Variants in JAG2 observed in about 807,000 individuals in gnomAD.
JAG2 encodes protein jagged-2.
A neutral mutation model predicts 141.7 loss-of-function variants in JAG2; 46 were observed. The observed-to-expected ratio is 0.32, with a 90% CI of 0.26 to 0.42. The LOEUF (loss-of-function observed/expected upper bound fraction) is 0.42. Among genes scored for constraint, JAG2 ranks in the 10% least tolerant of loss-of-function variants. JAG2 has a pLI of 1.00. For missense variants in JAG2, 1,500 were observed against 1,817.5 expected (o/e 0.83, Z 3.18); for synonymous variants, 862 against 763.5 (o/e 1.13, Z -2.13).
At position 105,142,679 on chromosome 14, in the gene JAG2, C is replaced by T. The variant is rs1237196870; in HGVS notation, c.*16G>A. 1 of 1,580,786 alleles carries T rather than the reference C, an allele frequency of 6.3e-7. No homozygotes were observed. Among genetic ancestry groups the T allele is most frequent in the Non-Finnish European group, 8.6e-7 (1 of 1,162,862 alleles). ...CCACCGAGGGCCCTGGGTCCCGGCC[C>T]AGCTGGCAGCCGCCCCTACTCCTTG... On this transcript the variant is annotated 3_prime_UTR_variant, in exon 26 of 26. Transcript: ENST00000331782.
intron 24 of JAG2, 78 bp downstream of exon 24, chr14:105,144,852 C>T (rs888874593): frequency 7.1e-6 from 11 of 1,545,832 alleles, no homozygotes; most frequent in Admixed American, 1.8e-5. Flanking sequence ...TCGCCAGAGC[C>T]TCTGTCCAGC....
At position 105,154,339 on chromosome 14, in the gene JAG2, G is replaced by GTCT. The variant is rs1191241575; in HGVS notation, c.788+1220_788+1222dup. 6.6e-6 allele frequency among the ~76,000 whole-genome samples: 1 copy of GTCT among 152,168 alleles called. No homozygotes were observed. Among genetic ancestry groups the GTCT allele is most frequent in the African/African-American group, 2.4e-5 (1 of 41,438 alleles). On this transcript the variant is annotated intron_variant, in intron 5 of 25. Transcript: ENST00000331782. The surrounding 1 kb of genome is among the most constrained non-coding windows in gnomAD (Gnocchi z 4.4). ...AGGGCGGTGCTCACCTCCACCTGCTGTCTCTCCACCCGCTCGCGCCCCTCT... is the reference window on the plus strand; with the variant it reads ...AGGGCGGTGCTCACCTCCACCTGCTGTCTTCTCTCCACCCGCTCGCGCCCCTCT...
Position 105,143,043 on chromosome 14 carries a change from G to A in JAG2, c.3369C>T (p.Ser1123=), listed in dbSNP as rs138204105. The A allele has an allele frequency of 9.0e-5, 144 of 1,604,082 alleles. No homozygotes were observed. In the Admixed American group the frequency reaches 1.8e-3, roughly 20 times the overall value. Residue 1123 remains serine (S), a synonymous_variant, in exon 26 of 26, where the codon AGC becomes AGT. Coordinates refer to ENST00000331782, the MANE Select transcript of JAG2 (RefSeq NM_002226.5). The part of the protein sequence containing the change: ...RERSRLPREE[S]ANNQWAPLNP... ...TGAGCGGGGCCCACTGGTTGTTGGCGCTCTCCTCCCGCGGCAGCCGGCTCC... is the reference window on the plus strand; with the variant it reads ...TGAGCGGGGCCCACTGGTTGTTGGCACTCTCCTCCCGCGGCAGCCGGCTCC...
chr14:105,145,184 G>A, intron 23 of JAG2, 123 bp from the exon 24 acceptor site: 2 of 1,344,654 alleles, frequency 1.5e-6, no homozygotes, highest in Non-Finnish European at 2.1e-6. Context: ...AGCACAGCAA[G>A]GATGCCAAGG....
Position 105,168,084 on chromosome 14 carries a change from G to A in JAG2, c.90C>T (p.Phe30=), listed in dbSNP as rs1230616211. The part of the protein sequence containing the change: ...WVQAARPMGY[F]ELQLSALRNV... ...TCCGCAGCGCGCTCAGCTGCAGCTCGAAATAGCCCATGGGCCGCGCCGCCT... is the reference window on the plus strand; with the variant it reads ...TCCGCAGCGCGCTCAGCTGCAGCTCAAAATAGCCCATGGGCCGCGCCGCCT... Residue 30 remains phenylalanine (F), a synonymous_variant, in exon 2 of 26, where the codon TTC becomes TTT. Coordinates refer to ENST00000331782, the MANE Select transcript of JAG2 (RefSeq NM_002226.5). 1 of 1,583,738 alleles carries A rather than the reference G, an allele frequency of 6.3e-7. No individual in the cohort carries two copies. The highest frequency in any genetic ancestry group is 1.1e-5 in the South Asian group (1 of 89,552).
At chr14:105,163,490 G>A (rs1888818069) in intron 2 of JAG2, among the ~76,000 whole-genome samples, 1 of 152,206 alleles carries the variant, frequency 6.6e-6, no homozygotes, top group Non-Finnish European at 1.5e-5. Context: ...AAAGCCCAGG[G>A]TACAACTGAT....
chr14:105,146,124 C>A, intron 22 of JAG2, 151 bp from the exon 23 acceptor site: 7 of 1,293,222 alleles, frequency 5.4e-6, no homozygotes, highest in Non-Finnish European at 7.5e-6. Flanking sequence ...CCACCCCCTA[C>A]CCAGGGCTCC....
In JAG2 at chr14:105,152,068, G is replaced by A. The variant is rs747097241; in HGVS notation, c.920-11C>T. ...CACAGTAGTTCAGGTCTGGGGGCAGGGGTGGGATGCTCAGGGGAAAAGCCG... is the reference window on the plus strand; with the variant it reads ...CACAGTAGTTCAGGTCTGGGGGCAGAGGTGGGATGCTCAGGGGAAAAGCCG... On this transcript the variant is annotated splice_polypyrimidine_tract_variant and intron_variant, in intron 6 of 25. Transcript: ENST00000331782. 19 of 1,613,202 alleles carry A rather than the reference G, an allele frequency of 1.2e-5. No individual in the cohort carries two copies. The highest frequency in any genetic ancestry group is 1.6e-5 in the Non-Finnish European group (19 of 1,179,950).
rs887241936 is a variant in JAG2 at position 105,155,904 on chromosome 14, C to T, written c.561G>A (p.Val187=). The change falls in exon 4 of 26, where the codon GTG becomes GTA. Residue 187 remains valine, a synonymous_variant. Coordinates refer to ENST00000331782, the MANE Select transcript of JAG2 (RefSeq NM_002226.5). ...RWKSLHFSGH[V]AHLELQIRVR... ...CGCGGATCTGCAGCTCCAGGTGCGC[C>T]ACGTGGCCGCTGAAGTGCAGGCTCT... is the stretch of plus-strand genomic sequence containing the variant. 9 of 1,612,090 alleles carry T rather than the reference C, an allele frequency of 5.6e-6. No homozygotes were observed. The highest frequency in any genetic ancestry group is 7.6e-6 in the Non-Finnish European group (9 of 1,179,758).
intron 2 of JAG2, among the ~76,000 whole-genome samples, chr14:105,161,034 C>T (rs948250120): frequency 6.6e-6 from 1 of 152,154 alleles, no homozygotes; most frequent in African/African-American, 2.4e-5. Flanking sequence ...CCAGACCCCA[C>T]CACGGACTTC....
At position 105,143,154 on chromosome 14, in the gene JAG2, C is replaced by A. The variant is rs776390447; in HGVS notation, c.3258G>T (p.Val1086=). The change falls in exon 26 of 26, where the codon GTG becomes GTT. Residue 1086 remains valine (V), a synonymous_variant. Coordinates refer to ENST00000331782, the MANE Select transcript of JAG2 (RefSeq NM_002226.5). ...GGSSTGLLVP[V]LCGAFSVLWL... is the part of the protein sequence containing the mutation. The stretch of plus-strand genomic sequence containing the variant: ...ACAGCACGCTGAAGGCACCACACAG[C>A]ACAGGCACCAGCAGACCTGGGGACC... The A allele has an allele frequency of 6.3e-7, 1 of 1,598,420 alleles. No individual in the cohort carries two copies. The highest frequency in any genetic ancestry group is 1.3e-5 in the African/African-American group (1 of 75,044).
At chr14:105,151,195 A>AGCAGCCCCC (rs1888415228) in intron 9 of JAG2, 88 bp downstream of exon 9, 3 of 1,469,490 alleles carry the variant, frequency 2.0e-6, no homozygotes, top group African/African-American at 1.5e-5. Context: ...CAGCAGCCCC[A>AGCAGCCCCC]GCAGCCCCAG....
In JAG2 at chr14:105,147,488, G is replaced by T. The variant is rs777313893; in HGVS notation, c.2393+12C>A. On this transcript the variant is annotated intron_variant, in intron 19 of 25. Coordinates refer to ENST00000331782, the MANE Select transcript of JAG2 (RefSeq NM_002226.5). ...CACCCACCCCTGCTGTGGCCCCCAG[G>T]GTGCCACTCACCAAGGCAGAGGGTT... 6.2e-7 allele frequency: 1 copy of T among 1,611,688 alleles called. No homozygotes were observed. Among genetic ancestry groups the T allele is most frequent in the Admixed American group, 1.7e-5 (1 of 60,026 alleles).
chr14:105,148,560 G>A, intron 15 of JAG2, 121 bp from the exon 16 acceptor site: 1 of 850,894 alleles, frequency 1.2e-6, no homozygotes, highest in Non-Finnish European at 1.8e-6. Flanking sequence ...GAGGAGCGTC[G>A]GGCCGGGGGA....
rs1249879301 is a variant in JAG2, at chr14:105,150,746, G to A, written c.1460C>T (p.Pro487Leu). The A allele has an allele frequency of 1.9e-6, 3 of 1,585,924 alleles. No individual in the cohort carries two copies. Among genetic ancestry groups the A allele is most frequent in the Non-Finnish European group, 2.6e-6 (3 of 1,166,666 alleles). ...GCAATGCCGGCCTCCGAAGCCCCGTGGGCACACACACTGGTACCCGTTCAC... is the reference window on the plus strand; with the variant it reads ...GCAATGCCGGCCTCCGAAGCCCCGTAGGCACACACACTGGTACCCGTTCAC... ...DLVNGYQCVCPRGFGGRHCEL... is the reference protein window; with the variant it reads ...DLVNGYQCVCLRGFGGRHCEL... Residue 487 changes from proline (P) to leucine (L), a missense_variant, in exon 12 of 26, where the codon CCA becomes CTA. Pro to Leu is a moderately conservative substitution (Grantham distance 98, BLOSUM62 -3). Transcript: ENST00000331782.
chr14:105,147,906 G>A lies in JAG2; in HGVS notation c.2249-18C>T, dbSNP rs746136979. ...GTTCTTGGCTGTAAGGAGAGGAGGA[G>A]GAGGGAGCGTCTCACCTGGCCCTGG... On this transcript the variant is annotated intron_variant, in intron 17 of 25. Coordinates refer to ENST00000331782, the MANE Select transcript of JAG2 (RefSeq NM_002226.5). 6.9e-5 allele frequency: 105 copies of A among 1,530,858 alleles called. No individual in the cohort carries two copies. Among genetic ancestry groups the A allele is most frequent in the Middle Eastern group, 6.8e-4 (3 of 4,404 alleles). 94.8% of individuals were successfully genotyped at this position (1,530,858 alleles called of 1,614,324 possible). A position where few individuals can be genotyped will look rare whatever the true frequency, so the allele number is the denominator to read the frequency against.
rs748701928 is a variant in JAG2, at chr14:105,149,246, G to A, written c.1677C>T (p.Tyr559=). ...ARCYNLEGDY[Y]CACPDDFGGK... Reference sequence around the variant, plus strand: ...CACCAAAGTCATCAGGGCAGGCGCAGTAATAGTCACCCTCCAGGTTATAGC... The same window carrying A: ...CACCAAAGTCATCAGGGCAGGCGCAATAATAGTCACCCTCCAGGTTATAGC... The change falls in exon 13 of 26, where the codon TAC becomes TAT. Residue 559 remains tyrosine, a synonymous_variant. Coordinates refer to ENST00000331782, the MANE Select transcript of JAG2 (RefSeq NM_002226.5). 6.8e-6 allele frequency: 11 copies of A among 1,612,586 alleles called. No individual in the cohort carries two copies. The South Asian group carries it at 7.7e-5, about 11-fold the overall frequency.
intron 2 of JAG2, among the ~76,000 whole-genome samples, chr14:105,166,929 C>G (rs1219047444): frequency 1.3e-5 from 2 of 152,184 alleles, no homozygotes; most frequent in Non-Finnish European, 2.9e-5. Flanking sequence ...GGCCGTGCTC[C>G]AGGCAATGAG....
Position 105,147,547 on chromosome 14 carries a change from C to T in JAG2, c.2366-20G>A, listed in dbSNP as rs759626164. ...TGGTATCTGGTTTGGGAGAAGAGAA[C>T]GCAGGGGATCAGTACCCACCCCCCA... is the stretch of plus-strand genomic sequence containing the variant. On this transcript the variant is annotated intron_variant, in intron 18 of 25. Coordinates refer to ENST00000331782, the MANE Select transcript of JAG2 (RefSeq NM_002226.5). 1.6e-5 allele frequency: 26 copies of T among 1,609,842 alleles called. No homozygotes were observed. Among genetic ancestry groups the T allele is most frequent in the Middle Eastern group, 3.3e-4 (2 of 6,078 alleles).
Sources: gnomAD v4.1 joint callset for allele counts (sites outside exome capture counted in the v4.1 genomes callset) on GRCh38, gnomAD v4.1.1 for gene constraint, Gnocchi (gnomAD v3.1) non-coding constraint, MANE v1.5 for transcripts, NCBI Gene and HGNC (gene_info 2026-07-23, HGNC 2026-07-21) for gene names.